Variants in FAM184A observed in about 807,000 individuals in gnomAD.
FAM184A encodes protein FAM184A.
Under a neutral mutation model 143.8 loss-of-function variants are expected in FAM184A, and 99 were observed. That is an observed-to-expected ratio of 0.69 (90% CI 0.58 to 0.81). The LOEUF (loss-of-function observed/expected upper bound fraction) is 0.81, where lower values mean the gene tolerates loss of function less well. FAM184A is among the 40% of genes least tolerant of loss of function. The pLI, the probability that FAM184A is intolerant of heterozygous loss-of-function variation, is 0.00. For synonymous variants in FAM184A, 427 were observed against 446.4 expected (o/e 0.96, Z 0.55); for missense variants, 1,217 against 1,310.5 (o/e 0.93, Z 1.10).
chr6:119,075,344 T>C lies in FAM184A; in HGVS notation c.159+2797A>G, dbSNP rs77189043. 8.3e-3 allele frequency among the ~76,000 whole-genome samples: 1,263 copies of C among 152,306 alleles called. 16 individuals carry two copies. Among genetic ancestry groups the C allele is most frequent in the African/African-American group, 0.029 (1,198 of 41,564 alleles). ...TAAAATATCCATATTTTATTAATAC[T>C]CATATTGGTATATGTCTTTTCAGTG... On this transcript the variant is annotated intron_variant, in intron 1 of 17. Coordinates refer to ENST00000338891, the MANE Select transcript of FAM184A (RefSeq NM_024581.6).
chr6:118,976,628 C>T (rs936908039), intron 11 of FAM184A, among the ~76,000 whole-genome samples: 2 of 150,842 alleles, frequency 1.3e-5, no homozygotes, highest in Non-Finnish European at 2.9e-5. Context: ...CACGCCATTG[C>T]ACTCCAGCCT....
At chr6:119,082,790 T>C (rs538625055), upstream of FAM184A, among the ~76,000 whole-genome samples, 32 of 152,332 alleles carry the variant, frequency 2.1e-4, no homozygotes, top group South Asian at 6.2e-3. Context: ...TTCCAGAACA[T>C]GGTGCAGGCT....
intron 1 of FAM184A, among the ~76,000 whole-genome samples, chr6:119,133,309 T>C (rs2114878901): frequency 6.6e-6 from 1 of 152,288 alleles, no homozygotes; most frequent in South Asian, 2.1e-4. Context: ...TTATAAATTA[T>C]ATTAATTGAG....
At chr6:119,025,187 T>G (rs1458253033) in intron 1 of FAM184A, among the ~76,000 whole-genome samples, 3 of 152,176 alleles carry the variant, frequency 2.0e-5, no homozygotes, top group Admixed American at 2.0e-4. Context: ...GAAGGGGTGT[T>G]CAGGAGAAAA....
In FAM184A at chr6:119,115,276, T is replaced by A. The variant is rs140073410; in HGVS notation, c.-202+33802A>T. Among the ~76,000 whole-genome samples, 29 of 152,342 alleles carry A rather than the reference T, an allele frequency of 1.9e-4. No individual in the cohort carries two copies. In the East Asian group the frequency reaches 5.4e-3, roughly 28 times the overall value. On this transcript the variant is annotated intron_variant, in intron 1 of 16. Coordinates refer to the FAM184A transcript ENST00000352896. ...CATTCAATAACCATTTATTAATTAT[T>A]TTATTTTAGGCACAGAGGAAAGGGA... is the stretch of plus-strand genomic sequence containing the variant.
chr6:119,016,239 A>G (rs1394101361), intron 5 of FAM184A, among the ~76,000 whole-genome samples: 3 of 152,190 alleles, frequency 2.0e-5, no homozygotes, highest in Non-Finnish European at 2.9e-5. Flanking sequence ...GTGGGGCCAG[A>G]TAAGAGAATA....
intron 1 of FAM184A, among the ~76,000 whole-genome samples, chr6:119,135,252 C>T (rs531419948): frequency 9.2e-5 from 14 of 151,430 alleles, no homozygotes; most frequent in African/African-American, 2.7e-4. Context: ...ATTTTTTTAG[C>T]GAGCCATATA....
intron 1 of FAM184A, among the ~76,000 whole-genome samples, chr6:119,111,411 G>A (rs1028314718): frequency 1.3e-5 from 2 of 152,196 alleles, no homozygotes; most frequent in Admixed American, 6.5e-5. Context: ...TTCAGTTGGG[G>A]AAGATGAAAA....
intron 1 of FAM184A, among the ~76,000 whole-genome samples, chr6:119,121,717 G>A (rs915660275): frequency 6.6e-6 from 1 of 152,016 alleles, no homozygotes; most frequent in South Asian, 2.1e-4. Context: ...ACTTATATCC[G>A]GCTTCATGCT....
At chr6:119,104,285 G>A (rs1201607449) in intron 1 of FAM184A, among the ~76,000 whole-genome samples, 1 of 152,196 alleles carries the variant, frequency 6.6e-6, no homozygotes, top group African/African-American at 2.4e-5. Flanking sequence ...GGAATTACAG[G>A]CTTGAGCCAC....
intron 9 of FAM184A, among the ~76,000 whole-genome samples, chr6:118,982,260 G>A (rs552879212): frequency 6.6e-6 from 1 of 152,090 alleles, no homozygotes; most frequent in Admixed American, 6.6e-5. Flanking sequence ...ATTTGTAACC[G>A]GTAGAGCCGT....
chr6:118,970,825 C>T (rs1180074918), intron 14 of FAM184A, among the ~76,000 whole-genome samples: 1 of 152,184 alleles, frequency 6.6e-6, no homozygotes. Flanking sequence ...GCCCTGCTTT[C>T]TTTGGCTCTG....
At chr6:119,057,634 C>T (rs1162331259) in intron 1 of FAM184A, among the ~76,000 whole-genome samples, 1 of 151,868 alleles carries the variant, frequency 6.6e-6, no homozygotes. Context: ...TCCAGCTACT[C>T]GGGGGAGCTG....
At chr6:118,997,069 A>T (rs1181376924) in intron 9 of FAM184A, among the ~76,000 whole-genome samples, 1 of 151,834 alleles carries the variant, frequency 6.6e-6, no homozygotes, top group East Asian at 1.9e-4. Flanking sequence ...CCTCTACCTC[A>T]GAATCTACTT....
intron 1 of FAM184A, among the ~76,000 whole-genome samples, chr6:119,100,794 TA>T (rs904121721): frequency 6.6e-6 from 1 of 151,630 alleles, no homozygotes; most frequent in East Asian, 2.0e-4. Context: ...TCGTCTCTAC[TA>T]AAAAAATACA....
intron 14 of FAM184A, among the ~76,000 whole-genome samples, chr6:118,969,393 ACAT>A (rs1419970984): frequency 6.6e-6 from 1 of 152,240 alleles, no homozygotes; most frequent in Non-Finnish European, 1.5e-5. Context: ...AATAGAAAAA[ACAT>A]AATCCATATA....
chr6:119,123,234 T>C (rs563456866), intron 1 of FAM184A, among the ~76,000 whole-genome samples: 32 of 151,792 alleles, frequency 2.1e-4, no homozygotes, highest in African/African-American at 7.7e-4. Flanking sequence ...ACTAAAAATA[T>C]AAAAATTAGC....
chr6:119,025,753 A>T (rs1785611580), intron 1 of FAM184A, among the ~76,000 whole-genome samples: 1 of 152,206 alleles, frequency 6.6e-6, no homozygotes, highest in Admixed American at 6.5e-5. Flanking sequence ...AAGCGAAAAG[A>T]AGTAAACACT....
rs1255921116 is a variant in FAM184A at position 119,078,021 on chromosome 6, T to C, written c.159+120A>G. 1 of 1,197,508 alleles carries C rather than the reference T, an allele frequency of 8.4e-7. No homozygotes were observed. The highest frequency in any genetic ancestry group is 1.1e-6 in the Non-Finnish European group (1 of 880,240). 74.2% of individuals were successfully genotyped at this position (1,197,508 alleles called of 1,614,324 possible). ...TTTGGAGGTGTCTCCGGCTGTTGCT[T>C]CGGCGGAGGAGTAGAGTTCCCCTCG... On this transcript the variant is annotated intron_variant, in intron 1 of 17. Transcript: ENST00000338891. The surrounding 1 kb of genome is among the most constrained non-coding windows in gnomAD (Gnocchi z 5.5).
Sources: gnomAD v4.1 joint callset for allele counts (sites outside exome capture counted in the v4.1 genomes callset) on GRCh38, gnomAD v4.1.1 for gene constraint, Gnocchi (gnomAD v3.1) non-coding constraint, MANE v1.5 for transcripts, NCBI Gene and HGNC (gene_info 2026-07-23, HGNC 2026-07-21) for gene names.